Variants in KCNIP1 observed in about 807,000 individuals in gnomAD.
KCNIP1 encodes A-type potassium channel modulatory protein KCNIP1.
Under a neutral mutation model 33.0 loss-of-function variants are expected in KCNIP1, and 18 were observed. The observed-to-expected ratio is 0.55, with a 90% CI of 0.38 to 0.81. KCNIP1 has a LOEUF of 0.81. KCNIP1 is among the 30% of genes least tolerant of loss of function. The pLI, the probability that KCNIP1 is intolerant of heterozygous loss-of-function variation, is 0.00. For synonymous variants in KCNIP1, 93 were observed against 98.3 expected, an observed-to-expected ratio of 0.95 and a Z score of 0.32; for missense variants, 238 against 271.6, an observed-to-expected ratio of 0.88 and a Z score of 0.87.
intron 1 of KCNIP1, among the ~76,000 whole-genome samples, chr5:170,565,743 C>T (rs184058060): frequency 1.1e-4 from 16 of 152,278 alleles, no homozygotes; most frequent in African/African-American, 3.6e-4. Flanking sequence ...GCCACTTTCT[C>T]CATGTGGGAC....
chr5:170,591,258 C>T (rs1476044752), intron 1 of KCNIP1, among the ~76,000 whole-genome samples: 4 of 152,196 alleles, frequency 2.6e-5, no homozygotes, highest in Non-Finnish European at 5.9e-5. Flanking sequence ...GTGATGACTG[C>T]CTGACCGTGT....
chr5:170,688,467 T>C (rs956745331), intron 1 of KCNIP1, among the ~76,000 whole-genome samples: 20 of 152,232 alleles, frequency 1.3e-4, no homozygotes, highest in Non-Finnish European at 2.2e-4. Context: ...AAATGCTTTA[T>C]GGGAAAGTCA....
At chr5:170,684,817 G>T (rs916518768) in intron 1 of KCNIP1, among the ~76,000 whole-genome samples, 1 of 151,976 alleles carries the variant, frequency 6.6e-6, no homozygotes, top group African/African-American at 2.4e-5. Context: ...TTCATATTTG[G>T]TTGGCTATTT....
chr5:170,555,302 G>A (rs1013329322), intron 1 of KCNIP1, among the ~76,000 whole-genome samples: 2 of 152,186 alleles, frequency 1.3e-5, no homozygotes, highest in Non-Finnish European at 2.9e-5. Context: ...GATCTTTGGG[G>A]GCAGAAGGAA....
intron 1 of KCNIP1, among the ~76,000 whole-genome samples, chr5:170,458,870 A>G (rs1418010054): frequency 6.6e-6 from 1 of 152,216 alleles, no homozygotes; most frequent in Non-Finnish European, 1.5e-5. Context: ...CAATACTAAC[A>G]TTGAATGTAA....
intron 1 of KCNIP1, among the ~76,000 whole-genome samples, chr5:170,580,874 A>G (rs899515502): frequency 6.6e-6 from 1 of 152,202 alleles, no homozygotes; most frequent in Non-Finnish European, 1.5e-5. Context: ...AGAAGTGTCC[A>G]AAAAGGGGTC....
chr5:170,664,377 A>G (rs12189117), intron 1 of KCNIP1, among the ~76,000 whole-genome samples: 9,576 of 152,008 alleles, frequency 0.063, 342 homozygotes, highest in Non-Finnish European at 0.081. Flanking sequence ...CCTCCCTAGC[A>G]TTTCCCTCTC....
chr5:170,710,579 CA>C (rs1763410063), intron 1 of KCNIP1, among the ~76,000 whole-genome samples: 2 of 152,200 alleles, frequency 1.3e-5, no homozygotes. Context: ...TCTTCAGCTT[CA>C]GAAAGGTAAT....
chr5:170,561,808 T>G lies in KCNIP1; in HGVS notation c.61+57175T>G, dbSNP rs188640281. 9.7e-4 allele frequency among the ~76,000 whole-genome samples: 147 copies of G among 152,314 alleles called. 1 individual carries two copies. Among genetic ancestry groups the G allele is most frequent in the Non-Finnish European group, 1.5e-3 (104 of 68,038 alleles). On this transcript the variant is annotated intron_variant, in intron 1 of 7. Coordinates refer to ENST00000328939, the MANE Select transcript of KCNIP1 (RefSeq NM_014592.4). ...TAGGAACTGAGGCTACAACAATGAT[T>G]GGGACTGAGACCTGCCCCCACAGAG...
At chr5:170,485,369 C>T (rs181673639) in intron 1 of KCNIP1, among the ~76,000 whole-genome samples, 95 of 152,334 alleles carry the variant, frequency 6.2e-4, no homozygotes, top group Non-Finnish European at 1.0e-3. Context: ...CTCCTTCCTT[C>T]ACCACACCTC....
intron 1 of KCNIP1, among the ~76,000 whole-genome samples, chr5:170,703,017 G>T (rs903288267): frequency 7.2e-6 from 1 of 138,884 alleles, no homozygotes; most frequent in Non-Finnish European, 1.5e-5. Flanking sequence ...ACTCTGTAAA[G>T]TATAAGGCTG....
chr5:170,601,696 G>T (rs1338184401), intron 1 of KCNIP1, among the ~76,000 whole-genome samples: 1 of 152,218 alleles, frequency 6.6e-6, no homozygotes, highest in Non-Finnish European at 1.5e-5. Flanking sequence ...ACCTGCTCTG[G>T]GCCACAGAAG....
chr5:170,726,197 T>C (rs1411778921), intron 5 of KCNIP1, among the ~76,000 whole-genome samples: 1 of 152,126 alleles, frequency 6.6e-6, no homozygotes, highest in Admixed American at 6.5e-5. Flanking sequence ...TGTTTGCAAA[T>C]TATATACCAG....
intron 1 of KCNIP1, among the ~76,000 whole-genome samples, chr5:170,716,128 G>A (rs564412018): frequency 3.3e-5 from 5 of 152,328 alleles, no homozygotes; most frequent in East Asian, 1.9e-4. Context: ...GAGCGGCAGC[G>A]TGGGCACTCC....
intron 1 of KCNIP1, among the ~76,000 whole-genome samples, chr5:170,357,010 T>G (rs1763366164): frequency 6.6e-6 from 1 of 152,160 alleles, no homozygotes; most frequent in African/African-American, 2.4e-5. Flanking sequence ...GCATTAAGAT[T>G]GTTCCCAGAA....
chr5:170,614,083 G>T (rs935259669), intron 1 of KCNIP1, among the ~76,000 whole-genome samples: 2 of 152,242 alleles, frequency 1.3e-5, no homozygotes, highest in African/African-American at 4.8e-5. Context: ...CCTCGGGGAG[G>T]CATGGTTCAT....
chr5:170,520,655 A>C (rs1295020001), intron 1 of KCNIP1, among the ~76,000 whole-genome samples: 3 of 152,156 alleles, frequency 2.0e-5, no homozygotes, highest in Non-Finnish European at 2.9e-5. Flanking sequence ...CCAACTCAAA[A>C]ACATTTTGGT....
chr5:170,567,265 G>A (rs1244328686), intron 1 of KCNIP1, among the ~76,000 whole-genome samples: 1 of 152,158 alleles, frequency 6.6e-6, no homozygotes, highest in African/African-American at 2.4e-5. Context: ...CATCCTACAA[G>A]GCCTGGGGAC....
At chr5:170,526,454 G>A (rs917170971) in intron 1 of KCNIP1, among the ~76,000 whole-genome samples, 4 of 152,200 alleles carry the variant, frequency 2.6e-5, no homozygotes, top group African/African-American at 9.6e-5. Context: ...TATTGGAACT[G>A]CCATTAGAGG....
Sources: gnomAD v4.1 joint callset for allele counts (sites outside exome capture counted in the v4.1 genomes callset) on GRCh38, gnomAD v4.1.1 for gene constraint, MANE v1.5 for transcripts, NCBI Gene and HGNC (gene_info 2026-07-23, HGNC 2026-07-21) for gene names.